Variants in SDK1 observed in about 807,000 individuals in gnomAD.
SDK1 encodes the protein protein sidekick-1.
Under a neutral mutation model 245.5 loss-of-function variants are expected in SDK1, and 157 were observed. The observed-to-expected ratio is 0.64, with a 90% CI of 0.56 to 0.73. The LOEUF is 0.73. Among genes scored for constraint, SDK1 ranks in the 30% least tolerant of loss-of-function variants. The pLI is 0.00. For synonymous variants in SDK1, 1,647 were observed against 1,278.5 expected, an observed-to-expected ratio of 1.29 and a Z score of -6.15; for missense variants, 3,583 against 3,002.3, an observed-to-expected ratio of 1.19 and a Z score of -4.52.
At chr7:3,552,647 A>G (rs953345684) in intron 1 of SDK1, among the ~76,000 whole-genome samples, 1 of 152,196 alleles carries the variant, frequency 6.6e-6, no homozygotes, top group African/African-American at 2.4e-5. Context: ...CTGACCACAG[A>G]GTAAGATCTT....
chr7:3,883,688 C>A (rs1177665633), intron 5 of SDK1, among the ~76,000 whole-genome samples: 6 of 143,578 alleles, frequency 4.2e-5, no homozygotes, highest in Non-Finnish European at 9.0e-5. Flanking sequence ...GGACCTCGCT[C>A]CCTCGCTCCC....
intron 1 of SDK1, among the ~76,000 whole-genome samples, chr7:3,616,356 G>T (rs1051465585): frequency 2.0e-5 from 3 of 152,222 alleles, no homozygotes; most frequent in African/African-American, 4.8e-5. Context: ...ACCAGAACAC[G>T]TGTGGCCCTG....
chr7:4,210,715 A>C (rs6462654), intron 38 of SDK1, among the ~76,000 whole-genome samples: 57,202 of 152,078 alleles, frequency 0.38, 11,289 homozygotes, highest in African/African-American at 0.5. Flanking sequence ...CAGATGCTGG[A>C]ATCGAGGACC....
At chr7:3,402,289 G>C (rs566466948) in intron 1 of SDK1, among the ~76,000 whole-genome samples, 1 of 152,272 alleles carries the variant, frequency 6.6e-6, no homozygotes, top group South Asian at 2.1e-4. Flanking sequence ...TATAAAGGAT[G>C]GTGAAGCTTG....
chr7:3,305,023 G>T (rs1779381067), intron 1 of SDK1, among the ~76,000 whole-genome samples: 1 of 152,156 alleles, frequency 6.6e-6, no homozygotes, highest in Non-Finnish European at 1.5e-5. Context: ...TCCCTTTCAT[G>T]CCTTCCTGGG....
At chr7:3,601,968 G>T (rs1781268031) in intron 1 of SDK1, among the ~76,000 whole-genome samples, 1 of 151,630 alleles carries the variant, frequency 6.6e-6, no homozygotes, top group Non-Finnish European at 1.5e-5. Flanking sequence ...GAGAATGATG[G>T]TTTCCAGTTT....
chr7:3,670,195 C>G (rs549570615), intron 4 of SDK1, among the ~76,000 whole-genome samples: 2 of 152,276 alleles, frequency 1.3e-5, no homozygotes, highest in African/African-American at 4.8e-5. Flanking sequence ...TTAATATGAA[C>G]CTGATCTTGT....
At chr7:3,919,665 T>C (rs1779520555) in intron 5 of SDK1, among the ~76,000 whole-genome samples, 1 of 152,252 alleles carries the variant, frequency 6.6e-6, no homozygotes, top group African/African-American at 2.4e-5. Context: ...AAGATTCTGC[T>C]TTATTAACTG....
At chr7:4,007,674 G>A (rs928586050) in intron 14 of SDK1, among the ~76,000 whole-genome samples, 1 of 151,970 alleles carries the variant, frequency 6.6e-6, no homozygotes, top group African/African-American at 2.4e-5. Flanking sequence ...GCGCGGTCTC[G>A]ACTCCCTACA....
chr7:3,580,065 C>A (rs578092142), intron 1 of SDK1, among the ~76,000 whole-genome samples: 26 of 152,100 alleles, frequency 1.7e-4, no homozygotes, highest in Non-Finnish European at 3.8e-4. Flanking sequence ...TAATGTAATA[C>A]CTAGAAGTAC....
chr7:3,424,015 G>A (rs374733601), intron 1 of SDK1, among the ~76,000 whole-genome samples: 2 of 151,608 alleles, frequency 1.3e-5, no homozygotes, highest in East Asian at 1.9e-4. Flanking sequence ...AGGTTCAAGC[G>A]ATCCTCCTAC....
Position 3,987,170 on chromosome 7 carries a change from TC to T in SDK1, c.1995-13del. Reference sequence around the variant, plus strand: ...TGTGTTTTCCTCTTTTTCCTTTTCATCCCATTCAATTCAAGTGAACTGCCTC... The same window carrying T: ...TGTGTTTTCCTCTTTTTCCTTTTCATCCATTCAATTCAAGTGAACTGCCTC... On this transcript the variant is annotated splice_polypyrimidine_tract_variant and intron_variant, in intron 13 of 44. Coordinates refer to ENST00000404826, the MANE Select transcript of SDK1 (RefSeq NM_152744.4). The T allele has an allele frequency of 6.2e-7, 1 of 1,613,614 alleles. No homozygotes were observed. Among genetic ancestry groups the T allele is most frequent in the Non-Finnish European group, 8.5e-7 (1 of 1,179,806 alleles).
chr7:3,529,591 AG>A (rs1783272393), intron 1 of SDK1, among the ~76,000 whole-genome samples: 1 of 152,094 alleles, frequency 6.6e-6, no homozygotes, highest in Non-Finnish European at 1.5e-5. Context: ...AGAATGGCTG[AG>A]GAAGGAAGGA....
In SDK1 at chr7:3,692,173, A is replaced by G. The variant is rs529968043; in HGVS notation, c.713+50068A>G. ...AATTATGATTTCTGTTCAGAGACCCAACATAATTTCAAGTTTCCATTTTTT... is the reference window on the plus strand; with the variant it reads ...AATTATGATTTCTGTTCAGAGACCCGACATAATTTCAAGTTTCCATTTTTT... On this transcript the variant is annotated intron_variant, in intron 4 of 44. Transcript: ENST00000404826. Among the ~76,000 whole-genome samples, 424 of 152,296 alleles carry G rather than the reference A, an allele frequency of 2.8e-3. 3 individuals are homozygous for G. Among genetic ancestry groups the G allele is most frequent in the South Asian group, 0.017 (82 of 4,818 alleles).
intron 41 of SDK1, among the ~76,000 whole-genome samples, chr7:4,236,529 G>T (rs1161397134): frequency 6.6e-6 from 1 of 152,094 alleles, no homozygotes; most frequent in Non-Finnish European, 1.5e-5. Context: ...CTGTGGAGGG[G>T]CCAACAGGTA....
chr7:4,058,541 A>G (rs1300875787), intron 19 of SDK1, among the ~76,000 whole-genome samples: 3 of 152,334 alleles, frequency 2.0e-5, no homozygotes, highest in East Asian at 1.9e-4. Flanking sequence ...GGTCTTCTCC[A>G]TGGCACATTG....
intron 1 of SDK1, among the ~76,000 whole-genome samples, chr7:3,321,778 CTCCTTCCTTCCTTCCTTCCTTCCTTCCT>C (rs1186428883): frequency 4.0e-5 from 2 of 50,302 alleles, no homozygotes; most frequent in Non-Finnish European, 6.9e-5. Context: ...TTCCTTCCTT[CTCCTTCCTTCCTTCCTTCCTTCCTTCCT>C]TCCTTCCTTC....
In SDK1 at chr7:3,785,319, A is replaced by G. The variant is rs553859803; in HGVS notation, c.714-36131A>G. Reference sequence around the variant, plus strand: ...TTAATAATAGAGAATTGTACACTTCAAAGTGTCTGAGAGTAAATTTTAAAA... The same window carrying G: ...TTAATAATAGAGAATTGTACACTTCGAAGTGTCTGAGAGTAAATTTTAAAA... On this transcript the variant is annotated intron_variant, in intron 4 of 44. Coordinates refer to ENST00000404826, the MANE Select transcript of SDK1 (RefSeq NM_152744.4). Among the ~76,000 whole-genome samples, 19 of 152,288 alleles carry G rather than the reference A, an allele frequency of 1.2e-4. No individual in the cohort carries two copies. The South Asian group carries it at 3.9e-3, about 32-fold the overall frequency.
At chr7:4,192,298 C>T (rs183178012) in intron 35 of SDK1, among the ~76,000 whole-genome samples, 257 of 151,404 alleles carry the variant, frequency 1.7e-3, no homozygotes, top group African/African-American at 5.9e-3. Context: ...TTTATTGAGA[C>T]GGAGTCTCAC....
Sources: gnomAD v4.1 joint callset for allele counts (sites outside exome capture counted in the v4.1 genomes callset) on GRCh38, gnomAD v4.1.1 for gene constraint, MANE v1.5 for transcripts, NCBI Gene and HGNC (gene_info 2026-07-23, HGNC 2026-07-21) for gene names.